The following AFF2 variants were observed in gnomAD, a reference collection of about 807,000 sequenced individuals.
AFF2 encodes the protein ALF transcription elongation factor 2, also known as AF4/FMR2 family member 2.
In AFF2, 14 loss-of-function variants were observed where a neutral mutation model predicts 76.9. That is an observed-to-expected ratio of 0.18 (90% CI 0.12 to 0.28). The LOEUF is 0.28. Ranked by LOEUF, AFF2 falls within the 10% of genes least tolerant of loss-of-function variation. AFF2 has a pLI of 1.00. For synonymous variants in AFF2, 398 were observed against 366.7 expected, an observed-to-expected ratio of 1.09 and a Z score of -0.98; for missense variants, 868 against 1,001.1, an observed-to-expected ratio of 0.87 and a Z score of 1.79.
intron 1 of AFF2, among the ~76,000 whole-genome samples, chrX:148,649,787 A>G (rs933870407): frequency 9.0e-6 from 1 of 111,290 alleles, no homozygotes; most frequent in African/African-American, 3.3e-5. Context: ...TCAGGGTTTT[A>G]ATTATATCTT....
In AFF2 at chrX:148,897,221, CTA is replaced by C. The variant is rs1171086215; in HGVS notation, c.1360-6950_1360-6949del. On this transcript the variant is annotated intron_variant, in intron 8 of 20. Coordinates refer to ENST00000370460, the MANE Select transcript of AFF2 (RefSeq NM_002025.4). The stretch of plus-strand genomic sequence containing the variant: ...GGGCTAAATATGAAGCCTTAGTCCA[CTA>C]TATATATATATATATATATATATAT... Among the ~76,000 whole-genome samples, 23 of 23,433 alleles carry C rather than the reference CTA, an allele frequency of 9.8e-4. 1 individual carries two copies. Among genetic ancestry groups the C allele is most frequent in the African/African-American group, 3.3e-3 (21 of 6,353 alleles). 20.3% of individuals were successfully genotyped at this position (23,433 alleles called of 115,157 possible). A position where few individuals can be genotyped will look rare whatever the true frequency, so the allele number is the denominator to read the frequency against.
At chrX:148,694,810 C>CTTTTTT (rs34803945) in intron 3 of AFF2, among the ~76,000 whole-genome samples, 2 of 49,125 alleles carry the variant, frequency 4.1e-5, no homozygotes, top group Admixed American at 2.9e-4. Context: ...TCACAAAGCA[C>CTTTTTT]TTTTTTTTTT....
chrX:148,725,740 CAATT>C (rs1458655972), intron 3 of AFF2, among the ~76,000 whole-genome samples: 1 of 111,827 alleles, frequency 8.9e-6, no homozygotes, highest in East Asian at 2.8e-4. Flanking sequence ...CTCCAAAAGA[CAATT>C]GATTATAAAA....
intron 1 of AFF2, among the ~76,000 whole-genome samples, chrX:148,508,153 TAA>T (rs782363016): frequency 2.9e-4 from 33 of 112,120 alleles, no homozygotes; most frequent in African/African-American, 1.0e-3. Context: ...GTTGGAGAAA[TAA>T]AAGACATTAC....
intron 1 of AFF2, among the ~76,000 whole-genome samples, chrX:148,571,440 C>T (rs782697885): frequency 3.5e-4 from 39 of 111,441 alleles, no homozygotes; most frequent in Non-Finnish European, 6.6e-4. Flanking sequence ...CATCTGGGTT[C>T]GTAAGTTTGG....
intron 3 of AFF2, among the ~76,000 whole-genome samples, chrX:148,706,924 C>T (rs1442342636): frequency 1.8e-5 from 2 of 112,322 alleles, no homozygotes; most frequent in African/African-American, 6.5e-5. Flanking sequence ...CTGCTTCTTT[C>T]AGTAGTCTAT....
At chrX:148,642,520 T>G (rs1557254832) in intron 1 of AFF2, among the ~76,000 whole-genome samples, 3 of 112,361 alleles carry the variant, frequency 2.7e-5, no homozygotes, top group Non-Finnish European at 5.6e-5. Flanking sequence ...TGATATTTAA[T>G]GGGCCTAGAG....
intron 1 of AFF2, among the ~76,000 whole-genome samples, chrX:148,620,968 T>C (rs926585922): frequency 4.5e-5 from 5 of 111,992 alleles, no homozygotes; most frequent in African/African-American, 1.6e-4. Context: ...AACTCTCAGA[T>C]AGCAAAATGA....
At chrX:148,758,890 A>G (rs782401937) in intron 3 of AFF2, among the ~76,000 whole-genome samples, 1 of 111,764 alleles carries the variant, frequency 8.9e-6, no homozygotes, top group South Asian at 3.8e-4. Flanking sequence ...AACTGTCCTG[A>G]GATTCCCAAC....
At chrX:148,593,901 T>C (rs1191617360) in intron 1 of AFF2, among the ~76,000 whole-genome samples, 1 of 111,251 alleles carries the variant, frequency 9.0e-6, no homozygotes, top group Non-Finnish European at 1.9e-5. Context: ...CCAGAACCCT[T>C]ACCAGCTCAT....
intron 1 of AFF2, among the ~76,000 whole-genome samples, chrX:148,514,293 A>C (rs1214867560): frequency 1.8e-5 from 2 of 112,392 alleles, no homozygotes; most frequent in Non-Finnish European, 3.8e-5. Flanking sequence ...GTGTTTTCTT[A>C]TGTTTTGTCT....
chrX:148,785,739 G>C (rs1209903180), intron 3 of AFF2, among the ~76,000 whole-genome samples: 1 of 112,168 alleles, frequency 8.9e-6, no homozygotes, highest in Non-Finnish European at 1.9e-5. Flanking sequence ...AGGAAGGCAG[G>C]TCAGCTGTAA....
At chrX:148,970,932 C>T (rs1349252264) in intron 15 of AFF2, among the ~76,000 whole-genome samples, 1 of 111,364 alleles carries the variant, frequency 9.0e-6, no homozygotes, top group Non-Finnish European at 1.9e-5. Flanking sequence ...TAGGACACTA[C>T]AATGAGCAGA....
intron 1 of AFF2, among the ~76,000 whole-genome samples, chrX:148,607,460 T>C (rs2053683387): frequency 9.0e-6 from 1 of 111,501 alleles, no homozygotes; most frequent in Non-Finnish European, 1.9e-5. Flanking sequence ...GCACACACAC[T>C]CTTGCCTGCC....
At chrX:148,630,887 A>G (rs932323982) in intron 1 of AFF2, among the ~76,000 whole-genome samples, 11 of 111,751 alleles carry the variant, frequency 9.8e-5, no homozygotes, top group East Asian at 2.8e-4. Context: ...ACTTACCCCA[A>G]CCTGGGCAGA....
At chrX:148,701,563 G>T (rs2054800716) in intron 3 of AFF2, among the ~76,000 whole-genome samples, 1 of 111,845 alleles carries the variant, frequency 8.9e-6, no homozygotes. Context: ...CATGATTTCA[G>T]ATGTTCAAAA....
In AFF2 at chrX:148,843,390, G is replaced by A. The variant is rs2070626241; in HGVS notation, c.1219G>A (p.Asp407Asn). Residue 407 changes from aspartate to asparagine, a missense_variant, in exon 7 of 21, where the codon GAC (aspartate) becomes AAC (asparagine). Physicochemically the swap from Asp to Asn is conservative, Grantham distance 23. This residue lies in a region of AFF2 where 532 missense variants were observed against 564.2 expected (regional missense o/e 0.94). Coordinates refer to ENST00000370460, the MANE Select transcript of AFF2 (RefSeq NM_002025.4). ...TPGFTLQKWN[D>N]PTTRASTKSV... is the part of the protein sequence containing the mutation. ...ATATCTTTTCTTTTCAGAGTGGAAT[G>A]ACCCAACCACCAGAGCTTCTACAAA... 1 of 1,205,302 alleles carries A rather than the reference G, an allele frequency of 8.3e-7. No homozygotes were observed. Among genetic ancestry groups the A allele is most frequent in the Non-Finnish European group, 1.1e-6 (1 of 892,331 alleles).
At chrX:148,556,792 A>C (rs782114777) in intron 1 of AFF2, among the ~76,000 whole-genome samples, 1 of 112,244 alleles carries the variant, frequency 8.9e-6, no homozygotes, top group Non-Finnish European at 1.9e-5. Context: ...GCTCCATTCA[A>C]ATTGGGCCCT....
intron 1 of AFF2, among the ~76,000 whole-genome samples, chrX:148,586,668 C>A (rs1247573112): frequency 8.9e-6 from 1 of 111,840 alleles, no homozygotes; most frequent in Admixed American, 9.5e-5. Flanking sequence ...AGAGATGCTC[C>A]TCTGAATACT....
Sources: gnomAD v4.1 joint callset for allele counts (sites outside exome capture counted in the v4.1 genomes callset) on GRCh38, gnomAD v4.1.1 for gene constraint, gnomAD v4.1.1 regional missense constraint, MANE v1.5 for transcripts, NCBI Gene and HGNC (gene_info 2026-07-23, HGNC 2026-07-21) for gene names.